The following VRK2 variants were observed in gnomAD, a reference collection of about 807,000 sequenced individuals.
VRK2 encodes the protein serine/threonine-protein kinase VRK2.
Under a neutral mutation model 57.6 loss-of-function variants are expected in VRK2, and 60 were observed. The ratio of observed to expected loss-of-function variants is 1.04; its 90% CI spans 0.85 to 1.29. VRK2 has a LOEUF of 1.29. Among genes scored for constraint, VRK2 ranks in the 50% most tolerant of loss-of-function variants. The probability of loss-of-function intolerance (pLI) is 0.00; values close to 1 mark genes in which losing one functional copy is unlikely to be tolerated. For missense variants in VRK2, 705 were observed against 588.1 expected (o/e 1.20, Z -2.06); for synonymous variants, 231 against 199.2 (o/e 1.16, Z -1.35).
chr2:58,021,493 G>C (rs1417535335), intron 1 of VRK2, among the ~76,000 whole-genome samples: 1 of 151,990 alleles, frequency 6.6e-6, no homozygotes, highest in East Asian at 1.9e-4. Flanking sequence ...AATATTTATT[G>C]TCTCCAAGAT....
At chr2:58,033,786 C>T (rs753404761) in intron 3 of VRK2, 1 of 151,894 alleles carries the variant, frequency 6.6e-6, no homozygotes, top group Non-Finnish European at 1.5e-5. Flanking sequence ...GTAGTCTAAA[C>T]TATAGGATCT....
intron 1 of VRK2, among the ~76,000 whole-genome samples, chr2:57,987,739 C>G (rs1256892811): frequency 1.3e-5 from 2 of 151,588 alleles, no homozygotes; most frequent in Admixed American, 1.3e-4. Context: ...TTGCTAAAAG[C>G]AATTTATATG....
At chr2:58,153,942 T>C (rs186343541) in intron 12 of VRK2, among the ~76,000 whole-genome samples, 1 of 152,256 alleles carries the variant, frequency 6.6e-6, no homozygotes, top group Non-Finnish European at 1.5e-5. Context: ...GTAAAAAATT[T>C]AGGTTTTGCA....
At chr2:58,016,477 C>T (rs112206141) in intron 1 of VRK2, among the ~76,000 whole-genome samples, 6 of 152,130 alleles carry the variant, frequency 3.9e-5, no homozygotes, top group African/African-American at 7.2e-5. Flanking sequence ...CTCAGCCTCC[C>T]GAGTAGCTGG....
intron 2 of VRK2, among the ~76,000 whole-genome samples, chr2:58,051,498 G>A (rs144869512): frequency 6.6e-6 from 1 of 152,092 alleles, no homozygotes; most frequent in Admixed American, 6.5e-5. Flanking sequence ...TCATGTTTTT[G>A]CATTTTATCA....
At chr2:58,090,342 G>C (rs1302289028) in intron 7 of VRK2, among the ~76,000 whole-genome samples, 1 of 149,484 alleles carries the variant, frequency 6.7e-6, no homozygotes. Context: ...GTTGCAGTGA[G>C]CTGAGATGGT....
intron 1 of VRK2, among the ~76,000 whole-genome samples, chr2:57,930,024 G>A (rs1015386771): frequency 6.6e-6 from 1 of 151,998 alleles, no homozygotes; most frequent in Non-Finnish European, 1.5e-5. Context: ...GCACCACCTG[G>A]GGCTGGGGAA....
chr2:58,014,388 T>A (rs1360296826), intron 1 of VRK2, among the ~76,000 whole-genome samples: 2 of 152,326 alleles, frequency 1.3e-5, no homozygotes, highest in Admixed American at 1.3e-4. Flanking sequence ...ATTCACTGAT[T>A]ACAATCTTTC....
At chr2:58,083,114 C>G (rs191683800) in intron 2 of VRK2, among the ~76,000 whole-genome samples, 206 of 151,800 alleles carry the variant, frequency 1.4e-3, no homozygotes, top group Non-Finnish European at 1.6e-3. Context: ...CTGTTTCTTA[C>G]TGATTTTCAA....
At chr2:58,016,927 G>A (rs564643025) in intron 1 of VRK2, among the ~76,000 whole-genome samples, 4 of 152,144 alleles carry the variant, frequency 2.6e-5, no homozygotes, top group South Asian at 2.1e-4. Context: ...TCAACTTTAC[G>A]GAGTCTGACA....
upstream of VRK2, among the ~76,000 whole-genome samples, chr2:58,045,580 T>C (rs1367008646): frequency 6.6e-6 from 1 of 152,224 alleles, no homozygotes; most frequent in Non-Finnish European, 1.5e-5. Context: ...GCACAATTAT[T>C]CTATGGACTG....
At chr2:58,057,082 A>G (rs1054681768) in intron 2 of VRK2, among the ~76,000 whole-genome samples, 1 of 152,136 alleles carries the variant, frequency 6.6e-6, no homozygotes, top group African/African-American at 2.4e-5. Context: ...TTCCCCCAAC[A>G]TGTGTGCACA....
chr2:58,094,915 T>G (rs1672905409), intron 7 of VRK2, among the ~76,000 whole-genome samples: 1 of 152,194 alleles, frequency 6.6e-6, no homozygotes, highest in South Asian at 2.1e-4. Context: ...TGGATTGGAC[T>G]AGTAGTTCCC....
intron 11 of VRK2, among the ~76,000 whole-genome samples, chr2:58,142,347 G>C (rs1383900727): frequency 6.7e-6 from 1 of 148,788 alleles, no homozygotes; most frequent in Non-Finnish European, 1.5e-5. Context: ...TTCCAATACT[G>C]GATTTTACTA....
intron 1 of VRK2, among the ~76,000 whole-genome samples, chr2:58,001,245 C>T (rs1042390421): frequency 6.6e-6 from 1 of 152,086 alleles, no homozygotes; most frequent in African/African-American, 2.4e-5. Flanking sequence ...TCAAAGTGTA[C>T]CTAATCATTC....
intron 10 of VRK2, 25 bp downstream of exon 10, chr2:58,135,224 T>C: frequency 6.2e-7 from 1 of 1,613,624 alleles, no homozygotes; most frequent in Non-Finnish European, 8.5e-7. Flanking sequence ...AACTTCAACC[T>C]TCTCTTACGA....
At chr2:58,037,361 G>C (rs562957473) in intron 3 of VRK2, among the ~76,000 whole-genome samples, 2 of 152,118 alleles carry the variant, frequency 1.3e-5, no homozygotes, top group Non-Finnish European at 1.5e-5. Flanking sequence ...TTTTAGTTGA[G>C]ACAAACTGAG....
chr2:57,921,121 A>G (rs1282823471), intron 1 of VRK2, among the ~76,000 whole-genome samples: 1 of 151,924 alleles, frequency 6.6e-6, no homozygotes, highest in Admixed American at 6.6e-5. Flanking sequence ...GCTACTTGGT[A>G]TTTTTCAAAA....
chr2:58,070,216 T>G (rs1247700267), intron 2 of VRK2, among the ~76,000 whole-genome samples: 1 of 152,140 alleles, frequency 6.6e-6, no homozygotes, highest in Non-Finnish European at 1.5e-5. Context: ...ATTTTTTTGT[T>G]GTTATTTGTT....
Sources: allele counts gnomAD v4.1 joint callset (sites outside exome capture counted in the v4.1 genomes callset), GRCh38; gene constraint gnomAD v4.1.1; transcripts MANE v1.5; gene names NCBI Gene and HGNC (gene_info 2026-07-23, HGNC 2026-07-21).